The following ELP4 variants were observed in gnomAD, a reference collection of about 807,000 sequenced individuals.
The protein encoded by ELP4 is elongator complex protein 4.
Under a neutral mutation model 48.9 loss-of-function variants are expected in ELP4, and 51 were observed. That is an observed-to-expected ratio of 1.04 (90% CI 0.83 to 1.32). The LOEUF (loss-of-function observed/expected upper bound fraction) is 1.32, where lower values mean the gene tolerates loss of function less well. ELP4 is among the 40% of genes most tolerant of loss of function. The pLI is 0.00. For missense variants in ELP4, 519 were observed against 514.6 expected (o/e 1.01, Z -0.08); for synonymous variants, 210 against 189.2 (o/e 1.11, Z -0.90).
rs1171009926 is a variant in ELP4, at chr11:31,790,097, CAAAAAAA to C, written c.*6590_*6596del. ...CATGGAATACAAATTTATAGGTTTA[CAAAAAAA>C]AAAAAAAAAAAAAAAACTAATACTT... On this transcript the variant is annotated 3_prime_UTR_variant, in exon 10 of 10. Transcript: ENST00000640961. 665 of 145,236 alleles carry C rather than the reference CAAAAAAA, an allele frequency of 4.6e-3. 5 individuals carry two copies. Among genetic ancestry groups the C allele is most frequent in the East Asian group, 0.026 (136 of 5,198 alleles). 9.0% of individuals were successfully genotyped at this position (145,236 alleles called of 1,614,324 possible). A position where few individuals can be genotyped will look rare whatever the true frequency, so the allele number is the denominator to read the frequency against.
At chr11:31,543,270 G>A (rs907180250) in intron 3 of ELP4, among the ~76,000 whole-genome samples, 26 of 152,218 alleles carry the variant, frequency 1.7e-4, no homozygotes, top group African/African-American at 5.1e-4. Context: ...AATATGCCAC[G>A]ATTCTGAGGT....
intron 6 of ELP4, among the ~76,000 whole-genome samples, chr11:31,628,000 G>A (rs1339179459): frequency 6.6e-6 from 1 of 151,932 alleles, no homozygotes; most frequent in Non-Finnish European, 1.5e-5. Context: ...TATTTAACAG[G>A]TTTTCCATGG....
intron 3 of ELP4, among the ~76,000 whole-genome samples, chr11:31,556,981 C>T (rs570765910): frequency 6.6e-6 from 1 of 151,972 alleles, no homozygotes; most frequent in South Asian, 2.1e-4. Flanking sequence ...AAACTTCCCA[C>T]AATTAATATC....
chr11:31,608,699 C>T (rs117564113), intron 5 of ELP4, among the ~76,000 whole-genome samples: 1,836 of 151,900 alleles, frequency 0.012, 21 homozygotes, highest in Non-Finnish European at 0.02. Flanking sequence ...ATGTTTCGGC[C>T]TACGATGGGA....
At chr11:31,726,781 G>A (rs1947085825) in intron 9 of ELP4, among the ~76,000 whole-genome samples, 1 of 152,130 alleles carries the variant, frequency 6.6e-6, no homozygotes, top group African/African-American at 2.4e-5. Flanking sequence ...CAGTACCAGT[G>A]TTCCAAGGAA....
chr11:31,706,088 G>A (rs958537468), intron 9 of ELP4, among the ~76,000 whole-genome samples: 3 of 151,846 alleles, frequency 2.0e-5, no homozygotes, highest in Admixed American at 6.6e-5. Context: ...ATAAAAATAC[G>A]TTGCATTTTT....
At chr11:31,610,370 A>G (rs1042575456) in intron 5 of ELP4, among the ~76,000 whole-genome samples, 3 of 151,894 alleles carry the variant, frequency 2.0e-5, no homozygotes, top group African/African-American at 7.3e-5. Context: ...TTTATTTTCA[A>G]CTTTTATTTT....
chr11:31,737,489 A>G (rs148858374), intron 9 of ELP4, among the ~76,000 whole-genome samples: 172 of 151,990 alleles, frequency 1.1e-3, no homozygotes, highest in African/African-American at 4.0e-3. Context: ...TAAAATAAAA[A>G]TAAAAAATAA....
At chr11:31,606,452 G>T (rs1341519419) in intron 5 of ELP4, among the ~76,000 whole-genome samples, 1 of 151,910 alleles carries the variant, frequency 6.6e-6, no homozygotes. Context: ...ATTTCTGAAG[G>T]TGCTCTTAAA....
chr11:31,549,690 A>T (rs566349028), intron 3 of ELP4, among the ~76,000 whole-genome samples: 1 of 152,124 alleles, frequency 6.6e-6, no homozygotes. Context: ...ATGTACACGT[A>T]TGTTTATTGC....
At chr11:31,655,337 C>T (rs1243443198) in intron 9 of ELP4, among the ~76,000 whole-genome samples, 1 of 151,338 alleles carries the variant, frequency 6.6e-6, no homozygotes, top group Non-Finnish European at 1.5e-5. Flanking sequence ...TCTGTCTAAT[C>T]CTATTTCTTC....
intron 3 of ELP4, among the ~76,000 whole-genome samples, chr11:31,546,987 T>G (rs1395909236): frequency 1.3e-5 from 2 of 151,128 alleles, no homozygotes; most frequent in South Asian, 2.1e-4. Context: ...TTCAAAGCAG[T>G]GTGTAGAGGG....
intron 9 of ELP4, among the ~76,000 whole-genome samples, chr11:31,678,563 CCT>C (rs199912562): frequency 0.01 from 1,501 of 143,614 alleles, 9 homozygotes; most frequent in Middle Eastern, 0.022. Flanking sequence ...TTTATGTTCT[CCT>C]ATGTCTTTCT....
chr11:31,558,345 T>C (rs1419599553), intron 3 of ELP4, among the ~76,000 whole-genome samples: 2 of 152,122 alleles, frequency 1.3e-5, no homozygotes, highest in Admixed American at 6.5e-5. Flanking sequence ...AAATGAAGGA[T>C]AAGATAAAAA....
intron 9 of ELP4, among the ~76,000 whole-genome samples, chr11:31,688,807 T>A (rs1236978163): frequency 6.6e-6 from 1 of 152,198 alleles, no homozygotes; most frequent in East Asian, 1.9e-4. Flanking sequence ...CCCTAACTTT[T>A]ACATACATAT....
rs115819551 is a variant in ELP4, at chr11:31,552,877, C to G, written c.381+13094C>G. Among the ~76,000 whole-genome samples the G allele has an allele frequency of 1.6e-3, 249 of 152,200 alleles. 2 individuals carry two copies. Among genetic ancestry groups the G allele is most frequent in the African/African-American group, 5.8e-3 (239 of 41,538 alleles). On this transcript the variant is annotated intron_variant, in intron 3 of 9. Coordinates refer to ENST00000640961, the MANE Select transcript of ELP4 (RefSeq NM_019040.5). The stretch of plus-strand genomic sequence containing the variant: ...CTGACCTCATTACTTAATATCTCCC[C>G]CTGACTTTATTCTGTTTATATGAAC...
intron 1 of ELP4, among the ~76,000 whole-genome samples, chr11:31,517,188 C>CTT (rs999702137): frequency 1.4e-5 from 2 of 145,870 alleles, no homozygotes; most frequent in Non-Finnish European, 1.5e-5. Context: ...ATCAAAGGAA[C>CTT]TTTTTTTTTT....
Position 31,509,821 on chromosome 11 carries a change from A to C in ELP4, c.37A>C (p.Ser13Arg). The C allele has an allele frequency of 6.2e-7, 1 of 1,614,156 alleles. No individual in the cohort carries two copies. The highest frequency in any genetic ancestry group is 8.5e-7 in the Non-Finnish European group (1 of 1,180,032). The change falls in exon 1 of 10, where the codon AGT becomes CGT. Residue 13 changes from serine to arginine, a missense_variant. Transcript: ENST00000640961. ...GGCAACCTGCGGTAGTGTTGCCGCG[A>C]GTACTGGGTCTGCAGTGGCGACAGC... is the stretch of plus-strand genomic sequence containing the variant. ...AVATCGSVAA[S>R]TGSAVATASK...
intron 9 of ELP4, among the ~76,000 whole-genome samples, chr11:31,678,078 C>T (rs1945970157): frequency 6.6e-6 from 1 of 152,112 alleles, no homozygotes; most frequent in Non-Finnish European, 1.5e-5. Context: ...TTTCAATAAA[C>T]AATTTTGCCT....
Sources: gnomAD v4.1 joint callset for allele counts (sites outside exome capture counted in the v4.1 genomes callset) on GRCh38, gnomAD v4.1.1 for gene constraint, MANE v1.5 for transcripts, NCBI Gene and HGNC (gene_info 2026-07-23, HGNC 2026-07-21) for gene names.